Variants in ASB4 observed in about 807,000 individuals in gnomAD.
ASB4 encodes the protein ankyrin repeat and SOCS box protein 4.
A neutral mutation model predicts 38.6 loss-of-function variants in ASB4; 35 were observed. The observed-to-expected ratio is 0.91, with a 90% confidence interval of 0.69 to 1.20. ASB4 has a LOEUF of 1.20. ASB4 is among the 50% of genes most tolerant of loss of function. ASB4 has a pLI of 0.00. For synonymous variants in ASB4, 195 were observed against 201.3 expected (o/e 0.97, Z 0.26); for missense variants, 557 against 527.2 (o/e 1.06, Z -0.55).
At chr7:95,526,747 C>T (rs895485762) in intron 2 of ASB4, among the ~76,000 whole-genome samples, 1 of 152,118 alleles carries the variant, frequency 6.6e-6, no homozygotes, top group African/African-American at 2.4e-5. Context: ...TAGTTACTAG[C>T]ATAATAATAA....
the ASB4 span, among the ~76,000 whole-genome samples, chr7:95,547,249 CATTT>C: frequency 6.6e-6 from 1 of 152,116 alleles, no homozygotes; most frequent in Non-Finnish European, 1.5e-5. Flanking sequence ...GTAAACAATA[CATTT>C]ATTACCCCAG....
chr7:95,532,121 A>T (rs1790827321), intron 3 of ASB4, among the ~76,000 whole-genome samples: 1 of 152,186 alleles, frequency 6.6e-6, no homozygotes, highest in African/African-American at 2.4e-5. Context: ...TAGAACAACT[A>T]CTCCACAGCC....
At chr7:95,478,946 C>T (rs1046388637) in intron 1 of ASB4, among the ~76,000 whole-genome samples, 3 of 152,162 alleles carry the variant, frequency 2.0e-5, no homozygotes, top group Non-Finnish European at 4.4e-5. Context: ...TGCTTGAAGA[C>T]AGAACCTGAA....
chr7:95,492,984 G>A (rs1274029331), intron 1 of ASB4, among the ~76,000 whole-genome samples: 2 of 152,122 alleles, frequency 1.3e-5, no homozygotes, highest in Non-Finnish European at 2.9e-5. Context: ...GAATCTATAT[G>A]TACATACATT....
the ASB4 span, among the ~76,000 whole-genome samples, chr7:95,472,461 T>C: frequency 3.9e-5 from 6 of 152,178 alleles, no homozygotes; most frequent in Admixed American, 3.9e-4. Context: ...TTGTACACAC[T>C]AGTAACTCCA....
intron 3 of ASB4, among the ~76,000 whole-genome samples, chr7:95,534,044 A>T (rs1472150513): frequency 6.6e-6 from 1 of 151,912 alleles, no homozygotes; most frequent in Non-Finnish European, 1.5e-5. Context: ...TATTGTGTAC[A>T]TTTTTTGCTG....
chr7:95,513,029 G>A (rs59970043), intron 2 of ASB4, among the ~76,000 whole-genome samples: 1,836 of 152,078 alleles, frequency 0.012, 34 homozygotes, highest in African/African-American at 0.042. Flanking sequence ...GACCTTTTTT[G>A]GCTATAGTTA....
rs1200372342 is a variant in ASB4 at position 95,497,835 on chromosome 7, CA to C, written c.487+1779del. ...CACTTAGCATAATACATTTGAGATC[CA>C]TCCATATGGTTGCATGGACCAATAA... is the stretch of plus-strand genomic sequence containing the variant. On this transcript the variant is annotated intron_variant, in intron 2 of 4. Transcript: ENST00000325885. 3.9e-5 allele frequency among the ~76,000 whole-genome samples: 6 copies of C among 152,108 alleles called. No homozygotes were observed. In the East Asian group the frequency reaches 7.7e-4, roughly 20 times the overall value.
chr7:95,531,655 T>C (rs1790821386), intron 3 of ASB4, among the ~76,000 whole-genome samples: 1 of 152,174 alleles, frequency 6.6e-6, no homozygotes, highest in Non-Finnish European at 1.5e-5. Flanking sequence ...TATAGCAGTC[T>C]TCCCATCCAG....
At chr7:95,471,130 T>C in the ASB4 span, among the ~76,000 whole-genome samples, 3 of 152,200 alleles carry the variant, frequency 2.0e-5, no homozygotes, top group Non-Finnish European at 4.4e-5. Context: ...TGTTTTCTAA[T>C]GTCCATATCC....
At chr7:95,497,952 T>C (rs1350599742) in intron 2 of ASB4, among the ~76,000 whole-genome samples, 2 of 152,230 alleles carry the variant, frequency 1.3e-5, no homozygotes, top group Non-Finnish European at 2.9e-5. Context: ...GGAATGTCCT[T>C]AGGTTTTGTC....
intron 2 of ASB4, among the ~76,000 whole-genome samples, chr7:95,502,171 T>C (rs1459912293): frequency 6.6e-6 from 1 of 151,246 alleles, no homozygotes; most frequent in Non-Finnish European, 1.5e-5. Context: ...AACAGGAATA[T>C]TTAAGGGAAA....
At chr7:95,500,568 C>CAAAAAA (rs771099175) in intron 2 of ASB4, among the ~76,000 whole-genome samples, 5 of 41,012 alleles carry the variant, frequency 1.2e-4, no homozygotes, top group African/African-American at 2.9e-4. Flanking sequence ...AGATCTGTCT[C>CAAAAAA]AAAAAAAAAA....
At chr7:95,485,026 ATGTATATATGTATATATATG>A (rs1166861968), upstream of ASB4, among the ~76,000 whole-genome samples, 17 of 148,984 alleles carry the variant, frequency 1.1e-4, no homozygotes, top group East Asian at 1.2e-3. Flanking sequence ...ATGTGTATAT[ATGTATATATGTATATATATG>A]TGTATATATG....
rs186886818 is a variant in ASB4, at chr7:95,480,214, C to A, written n.157+1614C>A. Among the ~76,000 whole-genome samples, 546 of 152,264 alleles carry A rather than the reference C, an allele frequency of 3.6e-3. 16 individuals carry two copies. Among genetic ancestry groups the A allele is most frequent in the Admixed American group, 0.024 (372 of 15,276 alleles). ...ACCCAGTTTACTTTTCTTGGTAGCA[C>A]ATATTACCATGTGACAAACTATATA... On this transcript the variant is annotated intron_variant and non_coding_transcript_variant, in intron 1 of 1. Coordinates refer to the ASB4 transcript ENST00000257621.
At chr7:95,529,124 A>T (rs1200262713) in intron 3 of ASB4, among the ~76,000 whole-genome samples, 1 of 152,220 alleles carries the variant, frequency 6.6e-6, no homozygotes, top group African/African-American at 2.4e-5. Context: ...ATAAAGGGGT[A>T]ATTTTAATAT....
chr7:95,511,991 A>G (rs1442220038), intron 2 of ASB4, among the ~76,000 whole-genome samples: 1 of 152,108 alleles, frequency 6.6e-6, no homozygotes, highest in Admixed American at 6.5e-5. Context: ...TCTCATCTCC[A>G]CTGTAGACTG....
the ASB4 span, among the ~76,000 whole-genome samples, chr7:95,549,317 G>A: frequency 8.7e-5 from 3 of 34,448 alleles, no homozygotes; most frequent in African/African-American, 5.2e-4. Context: ...TTTTTTTTGA[G>A]ATGGAGTCTC....
upstream of ASB4, among the ~76,000 whole-genome samples, chr7:95,484,871 GGATACCAATA>G (rs1790063293): frequency 6.6e-6 from 1 of 151,424 alleles, no homozygotes; most frequent in African/African-American, 2.4e-5. Flanking sequence ...ATAATGTAAT[GGATACCAATA>G]TATCCCTTAC....
Sources: allele counts gnomAD v4.1 joint callset (sites outside exome capture counted in the v4.1 genomes callset), GRCh38; gene constraint gnomAD v4.1.1; transcripts MANE v1.5; gene names NCBI Gene and HGNC (gene_info 2026-07-23, HGNC 2026-07-21).